RAB38: variants seen among roughly 807,000 people sequenced by gnomAD.
RAB38 encodes RAB38, member RAS oncogene family, also known as ras-related protein Rab-38.
RAB38 carries 15 observed loss-of-function variants against 18.4 expected under a neutral mutation model. The ratio of observed to expected loss-of-function variants is 0.82; its 90% CI spans 0.55 to 1.26. RAB38 has a LOEUF of 1.26. Among genes scored for constraint, RAB38 ranks in the 50% most tolerant of loss-of-function variants. RAB38 has a pLI of 0.00. For synonymous variants in RAB38, 101 were observed against 104.4 expected, an observed-to-expected ratio of 0.97 and a Z score of 0.20; for missense variants, 294 against 267.4, an observed-to-expected ratio of 1.10 and a Z score of -0.69.
Position 88,175,225 on chromosome 11 carries a change from C to A in RAB38, c.160G>T (p.Asp54Tyr), listed in dbSNP as rs774703815. 3 of 1,613,894 alleles carry A rather than the reference C, an allele frequency of 1.9e-6. No homozygotes were observed. Among genetic ancestry groups the A allele is most frequent in the African/African-American group, 2.7e-5 (2 of 75,042 alleles). Residue 54 changes from aspartate (D) to tyrosine (Y), a missense_variant, in exon 1 of 3, where the codon GAC becomes TAC. Transcript: ENST00000243662. ...TGCAGGCGCACCACAGTCTCCGGGT[C>A]CCAGTGGAGCACCTTGAGCGCGAAG... ...VDFALKVLHW[D>Y]PETVVRLQLW...
the RAB38 span, among the ~76,000 whole-genome samples, chr11:87,807,714 C>G: frequency 6.6e-6 from 1 of 152,116 alleles, no homozygotes; most frequent in Non-Finnish European, 1.5e-5. Flanking sequence ...ATTATTAAAT[C>G]TTAGAGACTT....
At chr11:88,047,642 A>T in the RAB38 span, among the ~76,000 whole-genome samples, 1 of 152,196 alleles carries the variant, frequency 6.6e-6, no homozygotes, top group African/African-American at 2.4e-5. Context: ...ATGCCTCTTT[A>T]ATAAAAACGC....
At chr11:87,805,109 T>C in the RAB38 span, among the ~76,000 whole-genome samples, 4 of 152,336 alleles carry the variant, frequency 2.6e-5, no homozygotes, top group Non-Finnish European at 4.4e-5. Context: ...ACTGAAAAGC[T>C]ACTTTTCACT....
the RAB38 span, among the ~76,000 whole-genome samples, chr11:88,032,011 G>A: frequency 4.0e-5 from 6 of 150,654 alleles, no homozygotes; most frequent in Non-Finnish European, 7.4e-5. Context: ...AAAACAGCAT[G>A]GTACTGGTAC....
At chr11:87,955,882 C>G in the RAB38 span, among the ~76,000 whole-genome samples, 1 of 114,354 alleles carries the variant, frequency 8.7e-6, no homozygotes, top group African/African-American at 3.4e-5. Context: ...TGCACACACA[C>G]ACACACACAC....
the RAB38 span, among the ~76,000 whole-genome samples, chr11:87,898,906 T>C: frequency 4.6e-5 from 7 of 151,656 alleles, no homozygotes; most frequent in Non-Finnish European, 8.9e-5. Context: ...ATGCCTGTTA[T>C]CACACTTTTA....
At chr11:88,167,199 A>T (rs1469680457) in intron 1 of RAB38, 5 of 152,124 alleles carry the variant, frequency 3.3e-5, no homozygotes, top group Admixed American at 3.3e-4. Flanking sequence ...TGTTAACAAG[A>T]GGAAGGTGTT....
chr11:88,101,240 G>A, the RAB38 span, among the ~76,000 whole-genome samples: 2 of 151,862 alleles, frequency 1.3e-5, no homozygotes, highest in Non-Finnish European at 2.9e-5. Flanking sequence ...CAAGCTTTCT[G>A]AAAATAATAT....
At chr11:87,811,692 T>C in the RAB38 span, among the ~76,000 whole-genome samples, 1 of 152,184 alleles carries the variant, frequency 6.6e-6, no homozygotes, top group African/African-American at 2.4e-5. Flanking sequence ...CTTAAACCTT[T>C]TATTGTGTTG....
chr11:87,924,670 C>CAGA, the RAB38 span, among the ~76,000 whole-genome samples: 1 of 151,960 alleles, frequency 6.6e-6, no homozygotes, highest in African/African-American at 2.4e-5. Context: ...TTTGAGATAA[C>CAGA]TCTTATAACA....
At chr11:88,045,068 G>T in the RAB38 span, among the ~76,000 whole-genome samples, 1 of 152,090 alleles carries the variant, frequency 6.6e-6, no homozygotes, top group Non-Finnish European at 1.5e-5. Context: ...TAGCATTTAG[G>T]CTCTTTTTCA....
the RAB38 span, among the ~76,000 whole-genome samples, chr11:87,806,741 C>G: frequency 6.1e-4 from 92 of 152,062 alleles, no homozygotes; most frequent in African/African-American, 2.2e-3. Context: ...TAAATCAAGA[C>G]AAGTATTTTA....
the RAB38 span, among the ~76,000 whole-genome samples, chr11:88,084,118 C>T: frequency 5.8e-3 from 886 of 151,728 alleles, 6 homozygotes; most frequent in African/African-American, 0.021. Context: ...AAGTATACGG[C>T]AATGAATTGG....
the RAB38 span, among the ~76,000 whole-genome samples, chr11:87,861,743 A>C: frequency 6.6e-6 from 1 of 151,828 alleles, no homozygotes; most frequent in Non-Finnish European, 1.5e-5. Context: ...ATTTTGCAAA[A>C]ATTTCAATGG....
the RAB38 span, among the ~76,000 whole-genome samples, chr11:87,852,842 C>A: frequency 1.3e-5 from 2 of 152,132 alleles, no homozygotes; most frequent in African/African-American, 4.8e-5. Flanking sequence ...TTTTCAAATT[C>A]CCATGGGTGT....
chr11:87,968,977 C>A, the RAB38 span, among the ~76,000 whole-genome samples: 1 of 152,044 alleles, frequency 6.6e-6, no homozygotes, highest in South Asian at 2.1e-4. Context: ...GCTCGTTACA[C>A]TAAAAGATTA....
At chr11:87,924,987 T>C in the RAB38 span, among the ~76,000 whole-genome samples, 2 of 152,068 alleles carry the variant, frequency 1.3e-5, no homozygotes, top group African/African-American at 4.8e-5. Context: ...CAGGATAGCA[T>C]GTGCACACTA....
chr11:87,954,301 C>A, the RAB38 span, among the ~76,000 whole-genome samples: 1 of 152,088 alleles, frequency 6.6e-6, no homozygotes, highest in Non-Finnish European at 1.5e-5. Context: ...ATGGTGGGAA[C>A]AACAGCCAGA....
the RAB38 span, among the ~76,000 whole-genome samples, chr11:87,948,208 G>T: frequency 3.3e-5 from 5 of 152,062 alleles, no homozygotes; most frequent in South Asian, 2.1e-4. Context: ...TCTGTTATTG[G>T]TGTATAAGAA....
Sources: allele counts gnomAD v4.1 joint callset (sites outside exome capture counted in the v4.1 genomes callset), GRCh38; gene constraint gnomAD v4.1.1; transcripts MANE v1.5; gene names NCBI Gene and HGNC (gene_info 2026-07-23, HGNC 2026-07-21).